ALPK1: variants seen among roughly 807,000 people sequenced by gnomAD.
The protein encoded by ALPK1 is alpha kinase 1, also known as alpha-protein kinase 1.
ALPK1 carries 110 observed loss-of-function variants against 120.6 expected under a neutral mutation model. That is an observed-to-expected ratio of 0.91 (90% CI 0.78 to 1.07). ALPK1 has a LOEUF of 1.07. Ranked by LOEUF, ALPK1 falls within the 50% of genes least tolerant of loss-of-function variation. The pLI is 0.00. For synonymous variants in ALPK1, 582 were observed against 560.3 expected (o/e 1.04, Z -0.55); for missense variants, 1,498 against 1,483.9 (o/e 1.01, Z -0.16).
intron 4 of ALPK1, among the ~76,000 whole-genome samples, chr4:112,386,506 T>A (rs558062631): frequency 6.6e-6 from 1 of 152,334 alleles, no homozygotes; most frequent in East Asian, 1.9e-4. Context: ...TGTTGATAAC[T>A]GCAGCTGCCC....
intron 12 of ALPK1, 102 bp downstream of exon 12, chr4:112,435,403 C>A: frequency 3.8e-6 from 4 of 1,058,366 alleles, no homozygotes; most frequent in South Asian, 1.8e-5. Flanking sequence ...AAAAACTTGG[C>A]CAAAATATAT....
At chr4:112,372,509 T>A (rs765530753) in intron 2 of ALPK1, among the ~76,000 whole-genome samples, 20 of 152,200 alleles carry the variant, frequency 1.3e-4, no homozygotes, top group Non-Finnish European at 2.8e-4. Flanking sequence ...ACGCCTGGCC[T>A]ACTTTCTTTT....
rs1300534146 is a variant in ALPK1 at position 112,430,819 on chromosome 4, C to T, written c.1272C>T (p.Phe424=). ...AGGAACATTTACAAGTTCAAAGCTT[C>T]TCAAATGTAGATGACAGATCTTATG... ...QVKEHLQVQS[F]SNVDDRSYVP... Residue 424 remains phenylalanine (F), a synonymous_variant, in exon 11 of 16, where the codon TTC becomes TTT. Transcript: ENST00000650871. The T allele has an allele frequency of 3.1e-6, 5 of 1,614,108 alleles. No homozygotes were observed. In the South Asian group the frequency reaches 4.4e-5, roughly 14 times the overall value.
intron 2 of ALPK1, among the ~76,000 whole-genome samples, chr4:112,326,890 A>G (rs891501329): frequency 2.6e-5 from 4 of 152,210 alleles, no homozygotes; most frequent in African/African-American, 7.2e-5. Flanking sequence ...GAAGAGGAAG[A>G]GTGGGTTACA....
In ALPK1 at chr4:112,356,326, C is replaced by T. The variant is rs1578494333; in HGVS notation, c.-100-21352C>T. On this transcript the variant is annotated intron_variant, in intron 2 of 15. Coordinates refer to ENST00000650871, the MANE Select transcript of ALPK1 (RefSeq NM_025144.4). Reference sequence around the variant, plus strand: ...CCTGGCGAGAACACCTCCAAGACACCATCTTTGCCTGCAATTTTGCCGATA... The same window carrying T: ...CCTGGCGAGAACACCTCCAAGACACTATCTTTGCCTGCAATTTTGCCGATA... 1.4e-5 allele frequency: 13 copies of T among 900,066 alleles called. No individual in the cohort carries two copies. The East Asian group carries it at 2.6e-4, about 18-fold the overall frequency. The allele number at this position is 900,066 out of a possible 1,614,324, so 55.8% of individuals were successfully genotyped here.
intron 4 of ALPK1, among the ~76,000 whole-genome samples, chr4:112,410,035 T>C (rs544647351): frequency 1.3e-5 from 2 of 152,338 alleles, no homozygotes; most frequent in South Asian, 4.1e-4. Flanking sequence ...CATTACCTGA[T>C]TGATGAAAGC....
At chr4:112,350,416 C>T (rs1730302398) in intron 2 of ALPK1, among the ~76,000 whole-genome samples, 1 of 152,208 alleles carries the variant, frequency 6.6e-6, no homozygotes, top group South Asian at 2.1e-4. Context: ...ATCACACCAA[C>T]ATCGGGACCC....
chr4:112,355,523 C>T (rs933166971), intron 2 of ALPK1, among the ~76,000 whole-genome samples: 2 of 152,190 alleles, frequency 1.3e-5, no homozygotes, highest in Non-Finnish European at 2.9e-5. Flanking sequence ...TAGAAGGATG[C>T]CTCTGGGGAG....
At chr4:112,378,932 G>A (rs1398395897) in intron 3 of ALPK1, among the ~76,000 whole-genome samples, 4 of 152,192 alleles carry the variant, frequency 2.6e-5, no homozygotes, top group South Asian at 2.1e-4. Context: ...CAGTTTCTGT[G>A]ATACACCAAT....
At chr4:112,389,285 C>T (rs1308523236) in intron 4 of ALPK1, among the ~76,000 whole-genome samples, 1 of 152,104 alleles carries the variant, frequency 6.6e-6, no homozygotes, top group Non-Finnish European at 1.5e-5. Flanking sequence ...CCTTGTGATC[C>T]GCCTGCCTCA....
intron 1 of ALPK1, among the ~76,000 whole-genome samples, chr4:112,303,812 T>C (rs112096665): frequency 0.02 from 3,013 of 152,064 alleles, 102 homozygotes; most frequent in African/African-American, 0.068. Flanking sequence ...AGGTTTGTTA[T>C]ATATGTATAC....
At chr4:112,365,342 G>T (rs1170219520) in intron 2 of ALPK1, among the ~76,000 whole-genome samples, 1 of 152,062 alleles carries the variant, frequency 6.6e-6, no homozygotes, top group Non-Finnish European at 1.5e-5. Flanking sequence ...TTCTAGAACT[G>T]GTAAATAAAT....
intron 2 of ALPK1, among the ~76,000 whole-genome samples, chr4:112,322,819 T>G (rs1728918264): frequency 6.6e-6 from 1 of 152,162 alleles, no homozygotes; most frequent in Non-Finnish European, 1.5e-5. Context: ...TTATTTCCCT[T>G]AAAAATAAAT....
At chr4:112,299,789 G>A (rs531752284) in intron 1 of ALPK1, among the ~76,000 whole-genome samples, 9 of 152,174 alleles carry the variant, frequency 5.9e-5, no homozygotes, top group South Asian at 4.1e-4. Context: ...ATATTTCCTC[G>A]TAAATTATCA....
chr4:112,357,858 GA>G (rs1411724329), intron 2 of ALPK1: 24 of 1,163,650 alleles, frequency 2.1e-5, no homozygotes, highest in Non-Finnish European at 3.0e-5. Flanking sequence ...ACTTGGCTAG[GA>G]AGATGGAGGC....
intron 2 of ALPK1, chr4:112,357,121 T>A: frequency 7.9e-7 from 1 of 1,263,116 alleles, no homozygotes; most frequent in Non-Finnish European, 1.1e-6. Context: ...CCATCGATGC[T>A]GTTGAGCTGC....
rs1735054961 is a variant in ALPK1 at position 112,441,900 on chromosome 4, A to G, written c.*690A>G. 1 of 152,358 alleles carries G rather than the reference A, an allele frequency of 6.6e-6. No homozygotes were observed. 9.4% of individuals were successfully genotyped at this position (152,358 alleles called of 1,614,324 possible). On this transcript the variant is annotated 3_prime_UTR_variant, in exon 16 of 16. Transcript: ENST00000650871. ...TGGATAAAGAAAATGTGGTACATAT[A>G]CACCATGGAACACTATGTGTATTAA...
In ALPK1 at chr4:112,424,019, T is replaced by C; in HGVS notation, c.535+16T>C. The C allele has an allele frequency of 6.2e-7, 1 of 1,612,184 alleles. No individual in the cohort carries two copies. The highest frequency in any genetic ancestry group is 8.5e-7 in the Non-Finnish European group (1 of 1,179,012). On this transcript the variant is annotated intron_variant, in intron 6 of 15. Coordinates refer to ENST00000650871, the MANE Select transcript of ALPK1 (RefSeq NM_025144.4). ...GGAGCAACGGGTGAGTACTTTCATA[T>C]CTTCACAATGACTTTTACCTCAGCC... is the stretch of plus-strand genomic sequence containing the variant.
chr4:112,439,526 A>G (rs982509382), intron 13 of ALPK1, among the ~76,000 whole-genome samples, 160 bp from the exon 14 acceptor site: 2 of 152,260 alleles, frequency 1.3e-5, no homozygotes, highest in African/African-American at 4.8e-5. Flanking sequence ...CCCTTTAACA[A>G]GCCTAAAAGG....
Sources: allele counts gnomAD v4.1 joint callset (sites outside exome capture counted in the v4.1 genomes callset), GRCh38; gene constraint gnomAD v4.1.1; transcripts MANE v1.5; gene names NCBI Gene and HGNC (gene_info 2026-07-23, HGNC 2026-07-21).